Variants in MIER2 observed in about 807,000 individuals in gnomAD.
The protein encoded by MIER2 is mesoderm induction early response protein 2.
MIER2 carries 30 observed loss-of-function variants against 67.6 expected under a neutral mutation model. The observed-to-expected ratio is 0.44, with a 90% CI of 0.33 to 0.60. MIER2 has a LOEUF of 0.60. Among genes scored for constraint, MIER2 ranks in the 20% least tolerant of loss-of-function variants. The pLI, the probability that MIER2 is intolerant of heterozygous loss-of-function variation, is 0.02. For missense variants in MIER2, 702 were observed against 745.1 expected (o/e 0.94, Z 0.67); for synonymous variants, 372 against 312.6 (o/e 1.19, Z -2.00).
chr19:321,910 A>AT (rs1209295747), intron 7 of MIER2, among the ~76,000 whole-genome samples: 1 of 151,468 alleles, frequency 6.6e-6, no homozygotes, highest in Non-Finnish European at 1.5e-5. Flanking sequence ...TTTTATTTTT[A>AT]TTTTTTATTT....
At chr19:326,853 T>C (rs1971775171) in intron 5 of MIER2, 2 of 581,614 alleles carry the variant, frequency 3.4e-6, no homozygotes, top group Non-Finnish European at 3.0e-6. Context: ...GCACAGAGGC[T>C]TGTGAAGGAG....
intron 1 of MIER2, chr19:344,420 A>G (rs1266989756): frequency 1.9e-5 from 19 of 977,436 alleles, no homozygotes; most frequent in Non-Finnish European, 2.3e-5. Context: ...GGGGCCGGGA[A>G]CCGGAGCCGG....
At position 307,175 on chromosome 19, in the gene MIER2, G is replaced by T; in HGVS notation, c.1560C>A (p.Phe520Leu). 6.3e-7 allele frequency: 1 copy of T among 1,588,896 alleles called. No individual in the cohort carries two copies. The highest frequency in any genetic ancestry group is 8.6e-7 in the Non-Finnish European group (1 of 1,167,738). Residue 520 changes from phenylalanine (F) to leucine (L), a missense_variant, in exon 13 of 14, where the codon TTC (phenylalanine) becomes TTA (leucine). Physicochemically the swap from Phe to Leu is conservative, Grantham distance 22. This residue lies in a region of MIER2 where 254 missense variants were observed against 262.8 expected (regional missense o/e 0.97). Coordinates refer to ENST00000264819, the MANE Select transcript of MIER2 (RefSeq NM_017550.3). ...CCGGGCACGTGGGGTGGGCGGCCAG[G>T]AAGGGGTTCACGTCCCCAATGCCGA... ...GLIGIGDVNPFLAAHPTCPAP... is the reference protein window; with the variant it reads ...GLIGIGDVNPLLAAHPTCPAP...
intron 7 of MIER2, 145 bp from the exon 8 acceptor site, chr19:313,788 T>C (rs747369270): frequency 6.8e-6 from 8 of 1,169,260 alleles, no homozygotes; most frequent in Non-Finnish European, 5.9e-6. Context: ...CCGCCATCCC[T>C]GTGCTCCTCC....
intron 7 of MIER2, among the ~76,000 whole-genome samples, chr19:318,491 A>G (rs1445898593): frequency 6.6e-6 from 1 of 152,216 alleles, no homozygotes; most frequent in African/African-American, 2.4e-5. Flanking sequence ...ACAATCCACA[A>G]TCAGAGGAGG....
chr19:306,538 C>G lies in MIER2; in HGVS notation c.*152G>C, dbSNP rs1970657095. ...CAGGGGCAAGGGCTCACGGCCCAGC[C>G]ACCTCACCCCAGTCCTGACGTGTTC... On this transcript the variant is annotated 3_prime_UTR_variant, in exon 14 of 14. Transcript: ENST00000264819. 9.5e-7 allele frequency: 1 copy of G among 1,050,786 alleles called. No individual in the cohort carries two copies. The allele number at this position is 1,050,786 out of a possible 1,614,324, so 65.1% of individuals were successfully genotyped here.
chr19:315,603 G>A (rs2145392834), intron 7 of MIER2, among the ~76,000 whole-genome samples: 2 of 152,312 alleles, frequency 1.3e-5, no homozygotes, highest in South Asian at 4.1e-4. Flanking sequence ...TTTACCAGCA[G>A]CCTGAACACA....
intron 7 of MIER2, among the ~76,000 whole-genome samples, chr19:320,760 G>A (rs1254172924): frequency 1.3e-5 from 2 of 152,218 alleles, no homozygotes; most frequent in East Asian, 1.9e-4. Flanking sequence ...TGGAAAAATT[G>A]TCTTCCACGA....
At chr19:343,941 GCTAT>G in intron 1 of MIER2, 1 of 985,430 alleles carries the variant, frequency 1.0e-6, no homozygotes, top group Non-Finnish European at 1.2e-6. Flanking sequence ...CTGACACGAA[GCTAT>G]CTGTTGTCTT....
At position 325,623 on chromosome 19, in the gene MIER2, G is replaced by A. The variant is rs1388865457; in HGVS notation, c.655+12C>T. 1.2e-6 allele frequency: 2 copies of A among 1,614,188 alleles called. No homozygotes were observed. The highest frequency in any genetic ancestry group is 1.1e-5 in the South Asian group (1 of 91,078). ...AAGTGGGTTTCGCCTCCTCTCCCCA[G>A]GCCCTACTTACTCTTCTCACAGTGC... On this transcript the variant is annotated intron_variant, in intron 7 of 13. Transcript: ENST00000264819.
Position 326,311 on chromosome 19 carries a change from C to T in MIER2, c.585+196G>A, listed in dbSNP as rs146054575. ...CAGTCCGGATGCCAGGTTGGGGACA[C>T]GGCAGAGCCACGGCCGGGATGCCAG... On this transcript the variant is annotated intron_variant, in intron 6 of 13. Coordinates refer to ENST00000264819, the MANE Select transcript of MIER2 (RefSeq NM_017550.3). Among the ~76,000 whole-genome samples, 290 of 105,942 alleles carry T rather than the reference C, an allele frequency of 2.7e-3. 4 individuals are homozygous for T. Among genetic ancestry groups the T allele is most frequent in the African/African-American group, 6.1e-3 (130 of 21,194 alleles). 69.5% of individuals were successfully genotyped at this position (105,942 alleles called of 152,430 possible).
intron 3 of MIER2, among the ~76,000 whole-genome samples, chr19:331,627 C>G (rs1253632858): frequency 2.0e-5 from 3 of 152,022 alleles, no homozygotes; most frequent in African/African-American, 7.3e-5. Flanking sequence ...TATGATTGCA[C>G]CACTGCACTC....
chr19:315,506 C>T (rs115030828), intron 7 of MIER2, among the ~76,000 whole-genome samples: 1 of 152,218 alleles, frequency 6.6e-6, no homozygotes, highest in African/African-American at 2.4e-5. Context: ...AGAGTCTCAG[C>T]AGAGACTTGA....
Position 332,903 on chromosome 19 carries a change from C to T in MIER2, c.243+1497G>A, listed in dbSNP as rs1312583368. 2.8e-4 allele frequency among the ~76,000 whole-genome samples: 8 copies of T among 28,844 alleles called. No homozygotes were observed. In the East Asian group the frequency reaches 3.9e-3, roughly 14 times the overall value. The allele number at this position is 28,844 out of a possible 152,430, so 18.9% of individuals were successfully genotyped here. On this transcript the variant is annotated intron_variant, in intron 3 of 13. Coordinates refer to ENST00000264819, the MANE Select transcript of MIER2 (RefSeq NM_017550.3). ...CGTGATCTCGGCTCACCGCAACCTC[C>T]GCCTCCCAGGTTCAAGGGATTCTCC...
Position 308,498 on chromosome 19 carries a change from G to A in MIER2, c.1198+79C>T. On this transcript the variant is annotated intron_variant, in intron 12 of 13. Transcript: ENST00000264819. This position sits in a 1 kb window ranked among gnomAD's most constrained non-coding sequence, Gnocchi z 9.1. ...CTGGCCCAGCACAGGGCGCCAGGCA[G>A]GAGAGGCTCCACCGGGCCTCACTCA... 2.8e-6 allele frequency: 4 copies of A among 1,436,582 alleles called. No homozygotes were observed. Among genetic ancestry groups the A allele is most frequent in the Non-Finnish European group, 3.8e-6 (4 of 1,062,662 alleles). The allele number at this position is 1,436,582 out of a possible 1,614,324, so 89.0% of individuals were successfully genotyped here.
intron 7 of MIER2, among the ~76,000 whole-genome samples, chr19:315,471 G>A (rs373179549): frequency 1.2e-4 from 19 of 152,340 alleles, no homozygotes; most frequent in South Asian, 4.1e-4. Context: ...GGATTAATAC[G>A]TTAAGGAAAT....
chr19:315,869 C>T (rs986558469), intron 7 of MIER2, among the ~76,000 whole-genome samples: 8 of 152,166 alleles, frequency 5.3e-5, no homozygotes, highest in East Asian at 1.9e-4. Context: ...CAAGGACACA[C>T]GAAGACGTGT....
intron 2 of MIER2, among the ~76,000 whole-genome samples, chr19:335,404 A>T (rs1247184891): frequency 2.6e-5 from 4 of 152,200 alleles, no homozygotes; most frequent in African/African-American, 9.6e-5. Flanking sequence ...TGAGGGAATG[A>T]CCTGGAGCTG....
At chr19:344,466 G>A (rs1261712357) in intron 1 of MIER2, 1 of 765,650 alleles carries the variant, frequency 1.3e-6, no homozygotes, top group Non-Finnish European at 1.6e-6. Flanking sequence ...CCGGACCCCC[G>A]ACACCAGCCC....
Sources: gnomAD v4.1 joint callset for allele counts (sites outside exome capture counted in the v4.1 genomes callset) on GRCh38, gnomAD v4.1.1 for gene constraint, gnomAD v4.1.1 regional missense constraint, Gnocchi (gnomAD v3.1) non-coding constraint, MANE v1.5 for transcripts, NCBI Gene and HGNC (gene_info 2026-07-23, HGNC 2026-07-21) for gene names.